LATS1: variants seen among roughly 807,000 people sequenced by gnomAD.
LATS1 encodes serine/threonine-protein kinase LATS1.
A neutral mutation model predicts 106.6 loss-of-function variants in LATS1; 25 were observed. The ratio of observed to expected loss-of-function variants is 0.23; its 90% confidence interval spans 0.17 to 0.33. The LOEUF is 0.33. Ranked by LOEUF, LATS1 falls within the 10% of genes least tolerant of loss-of-function variation. The pLI is 1.00. For synonymous variants in LATS1, 465 were observed against 455.6 expected (o/e 1.02, Z -0.26); for missense variants, 1,040 against 1,382.6 (o/e 0.75, Z 3.93).
intron 3 of LATS1, among the ~76,000 whole-genome samples, chr6:149,694,364 C>T (rs1782943703): frequency 6.6e-6 from 1 of 152,156 alleles, no homozygotes; most frequent in Admixed American, 6.5e-5. Flanking sequence ...CAGGGTCTGG[C>T]TCTGTTGCCC....
rs774075024 is a variant in LATS1, at chr6:149,683,959, G to T, written c.1130C>A (p.Pro377His). 31 of 1,614,228 alleles carry T rather than the reference G, an allele frequency of 1.9e-5. No homozygotes were observed. Among genetic ancestry groups the T allele is most frequent in the Non-Finnish European group, 2.5e-5 (30 of 1,180,040 alleles). The change falls in exon 4 of 8, where the codon CCT (proline) becomes CAT (histidine). Residue 377 changes from proline (P) to histidine (H), a missense_variant. Coordinates refer to ENST00000543571, the MANE Select transcript of LATS1 (RefSeq NM_004690.4). ...TVNRQPPPPY[P>H]LTAANGQSPS... The stretch of plus-strand genomic sequence containing the variant: ...GCTTTGTCCATTAGCTGCTGTCAGA[G>T]GATATGGAGGTGGTGGCTGCCGATT...
chr6:149,682,415 CTTTTT>C (rs869175355), intron 4 of LATS1, among the ~76,000 whole-genome samples: 2 of 138,330 alleles, frequency 1.4e-5, no homozygotes, highest in South Asian at 2.3e-4. Context: ...TTTCTTTTTT[CTTTTT>C]TTTTTTTTTT....
intron 4 of LATS1, 69 bp from the exon 5 acceptor site, chr6:149,680,526 G>A: frequency 2.6e-6 from 3 of 1,156,344 alleles, no homozygotes; most frequent in South Asian, 1.6e-5. Flanking sequence ...AAATAGCTTG[G>A]GAAAAATTCA....
chr6:149,690,681 G>A (rs1782693417), intron 3 of LATS1, among the ~76,000 whole-genome samples: 1 of 151,830 alleles, frequency 6.6e-6, no homozygotes, highest in Non-Finnish European at 1.5e-5. Flanking sequence ...TGAGTAGGTG[G>A]GACTACAGGC....
intron 7 of LATS1, among the ~76,000 whole-genome samples, chr6:149,664,602 T>C (rs1781046638): frequency 6.6e-6 from 1 of 152,126 alleles, no homozygotes; most frequent in African/African-American, 2.4e-5. Flanking sequence ...AAGGCAGCTA[T>C]AAAACCTGGT....
chr6:149,676,034 G>T, intron 7 of LATS1: 2 of 467,882 alleles, frequency 4.3e-6, no homozygotes, highest in Non-Finnish European at 7.7e-6. Flanking sequence ...ATATTTGTTT[G>T]TAGAGATGTG....
intron 3 of LATS1, among the ~76,000 whole-genome samples, chr6:149,686,018 C>G (rs1380758894): frequency 6.6e-6 from 1 of 152,072 alleles, no homozygotes; most frequent in Non-Finnish European, 1.5e-5. Context: ...CGAATGTCTT[C>G]CCAGGCATGA....
intron 3 of LATS1, among the ~76,000 whole-genome samples, chr6:149,685,137 C>G (rs1167941030): frequency 2.6e-5 from 4 of 151,894 alleles, no homozygotes; most frequent in African/African-American, 9.7e-5. Flanking sequence ...ACTCGGGAGG[C>G]TGAGGCAGGA....
intron 4 of LATS1, among the ~76,000 whole-genome samples, chr6:149,681,038 C>T (rs1180002485): frequency 6.6e-6 from 1 of 152,058 alleles, no homozygotes; most frequent in Non-Finnish European, 1.5e-5. Flanking sequence ...TTTTTCAGGG[C>T]ATCAGAGTAA....
At chr6:149,715,378 T>C (rs967087006) in intron 1 of LATS1, among the ~76,000 whole-genome samples, 2 of 152,336 alleles carry the variant, frequency 1.3e-5, no homozygotes, top group Middle Eastern at 3.4e-3. Context: ...GATGTACTAT[T>C]ACTTATAAAT....
chr6:149,686,938 CTT>C (rs1385581557), intron 3 of LATS1, among the ~76,000 whole-genome samples: 1 of 152,134 alleles, frequency 6.6e-6, no homozygotes, highest in African/African-American at 2.4e-5. Context: ...GTATTTCAAA[CTT>C]TGGTATTACT....
chr6:149,663,261 T>C (rs757787482), intron 7 of LATS1, among the ~76,000 whole-genome samples: 12 of 152,134 alleles, frequency 7.9e-5, no homozygotes, highest in Admixed American at 2.6e-4. Context: ...GGTAGATGAA[T>C]TGCTTGAGCC....
intron 7 of LATS1, among the ~76,000 whole-genome samples, chr6:149,671,517 T>C (rs1202260390): frequency 6.6e-6 from 1 of 152,014 alleles, no homozygotes; most frequent in Non-Finnish European, 1.5e-5. Flanking sequence ...TTTGCACCTT[T>C]GTCAAAGATC....
chr6:149,699,091 A>G (rs1014877315), intron 2 of LATS1, among the ~76,000 whole-genome samples: 22 of 151,668 alleles, frequency 1.5e-4, no homozygotes, highest in Middle Eastern at 3.5e-3. Context: ...TGAACTTGGC[A>G]TAGCTAATAA....
chr6:149,699,652 T>A (rs1394648002), intron 2 of LATS1, among the ~76,000 whole-genome samples: 3 of 152,202 alleles, frequency 2.0e-5, no homozygotes, highest in African/African-American at 7.2e-5. Context: ...AAACATATCT[T>A]TGTAATACAA....
intron 1 of LATS1, among the ~76,000 whole-genome samples, chr6:149,703,149 T>C (rs192922422): frequency 9.3e-5 from 14 of 151,034 alleles, no homozygotes; most frequent in Admixed American, 7.3e-4. Context: ...AATTTTTGTA[T>C]CGTTTAGTAG....
chr6:149,678,145 C>T (rs1781824056), intron 5 of LATS1, among the ~76,000 whole-genome samples: 1 of 116,786 alleles, frequency 8.6e-6, no homozygotes, highest in Non-Finnish European at 1.6e-5. Flanking sequence ...ACGGTGAAAC[C>T]TGGTCTCTAC....
At chr6:149,666,738 C>T (rs1205513186) in intron 7 of LATS1, among the ~76,000 whole-genome samples, 3 of 151,688 alleles carry the variant, frequency 2.0e-5, no homozygotes, top group South Asian at 2.1e-4. Flanking sequence ...GTCAGGAGAT[C>T]GAGACCATCC....
Position 149,661,545 on chromosome 6 carries a change from T to C in LATS1, c.*184A>G, listed in dbSNP as rs1780884516. On this transcript the variant is annotated 3_prime_UTR_variant, in exon 8 of 8. Coordinates refer to ENST00000543571, the MANE Select transcript of LATS1 (RefSeq NM_004690.4). ...ATAACAATTTTTTTCTAAATACTGA[T>C]TTAAACGGCTGGAATAAATTAACAT... 3 of 498,956 alleles carry C rather than the reference T, an allele frequency of 6.0e-6. No individual in the cohort carries two copies. The highest frequency in any genetic ancestry group is 6.7e-6 in the Non-Finnish European group (2 of 297,052). 30.9% of individuals were successfully genotyped at this position (498,956 alleles called of 1,614,324 possible).
Sources: gnomAD v4.1 joint callset for allele counts (sites outside exome capture counted in the v4.1 genomes callset) on GRCh38, gnomAD v4.1.1 for gene constraint, MANE v1.5 for transcripts, NCBI Gene and HGNC (gene_info 2026-07-23, HGNC 2026-07-21) for gene names.